The following KCTD1 variants were observed in gnomAD, a reference collection of about 807,000 sequenced individuals.
KCTD1 encodes potassium channel tetramerization domain containing 1.
Under a neutral mutation model 66.0 loss-of-function variants are expected in KCTD1, and 24 were observed. That is an observed-to-expected ratio of 0.36 (90% CI 0.26 to 0.51). The LOEUF is 0.51. Ranked by LOEUF, KCTD1 falls within the 20% of genes least tolerant of loss-of-function variation. KCTD1 has a pLI of 0.95. For synonymous variants in KCTD1, 511 were observed against 517.2 expected (o/e 0.99, Z 0.16); for missense variants, 943 against 1,205.2 (o/e 0.78, Z 3.22).
rs768492830 is a variant in KCTD1 at position 26,459,573 on chromosome 18, C to T, written c.2439+47G>A. ...ATGTGAGGGCAAGGTTAAGTGACAA[C>T]AGTAAGAGTGGCATTTGATGCCACA... On this transcript the variant is annotated intron_variant, in intron 4 of 4. Transcript: ENST00000580059. 43 of 1,521,658 alleles carry T rather than the reference C, an allele frequency of 2.8e-5. No homozygotes were observed. The South Asian group carries it at 5.0e-4, about 18-fold the overall frequency. The allele number at this position is 1,521,658 out of a possible 1,614,324, so 94.3% of individuals were successfully genotyped here.
chr18:26,589,480 C>T (rs1986547468), intron 1 of KCTD1, among the ~76,000 whole-genome samples: 1 of 151,770 alleles, frequency 6.6e-6, no homozygotes, highest in Admixed American at 6.6e-5. Context: ...CAGTGGTGGG[C>T]CAGGCTATCT....
upstream of KCTD1, chr18:26,548,940 C>G (rs1985421653): frequency 1.0e-6 from 1 of 987,010 alleles, no homozygotes; most frequent in South Asian, 4.7e-5. Flanking sequence ...GGAGGGCCGG[C>G]GAGAGGGCGG....
rs115588392 is a variant in KCTD1 at position 26,471,315 on chromosome 18, G to A, written c.2133+5200C>T. 5.3e-5 allele frequency among the ~76,000 whole-genome samples: 8 copies of A among 151,910 alleles called. No individual in the cohort carries two copies. The East Asian group carries it at 7.8e-4, about 15-fold the overall frequency. ...AAGCTCGATGTATTCTGCTTGTAGC[G>A]TCTGAGCAAGTGTGATGTGATTTTC... On this transcript the variant is annotated intron_variant, in intron 3 of 4. Transcript: ENST00000580059.
intron 1 of KCTD1, among the ~76,000 whole-genome samples, chr18:26,583,046 A>C (rs753102462): frequency 6.6e-6 from 1 of 151,902 alleles, no homozygotes; most frequent in Non-Finnish European, 1.5e-5. Context: ...ATATTTCCGT[A>C]ATGTTTAATA....
chr18:26,644,735 C>G (rs148107578), upstream of KCTD1, among the ~76,000 whole-genome samples: 1 of 147,862 alleles, frequency 6.8e-6, no homozygotes, highest in African/African-American at 2.5e-5. Flanking sequence ...TCCAGCCTGG[C>G]AACAGAGTGA....
At chr18:26,608,313 C>T (rs1046232640) in intron 1 of KCTD1, among the ~76,000 whole-genome samples, 1 of 152,142 alleles carries the variant, frequency 6.6e-6, no homozygotes, top group Non-Finnish European at 1.5e-5. Flanking sequence ...GTGGAGATGG[C>T]TGAGAAAATT....
At chr18:26,474,013 C>T (rs552368452) in intron 3 of KCTD1, among the ~76,000 whole-genome samples, 2 of 152,198 alleles carry the variant, frequency 1.3e-5, no homozygotes, top group East Asian at 1.9e-4. Flanking sequence ...ACTAAGGGGC[C>T]CCTGAGCTTC....
intron 1 of KCTD1, among the ~76,000 whole-genome samples, chr18:26,647,170 C>T (rs1342262422): frequency 6.6e-6 from 1 of 152,132 alleles, no homozygotes; most frequent in African/African-American, 2.4e-5. Flanking sequence ...ACTCACTTTT[C>T]AGATACTTTG....
intron 1 of KCTD1, among the ~76,000 whole-genome samples, chr18:26,605,603 T>TA (rs1480635941): frequency 6.6e-6 from 1 of 152,184 alleles, no homozygotes; most frequent in African/African-American, 2.4e-5. Flanking sequence ...GACCTGGCCC[T>TA]AGACCACTGT....
chr18:26,597,265 T>C (rs893873172), intron 1 of KCTD1, among the ~76,000 whole-genome samples: 1 of 151,438 alleles, frequency 6.6e-6, no homozygotes, highest in African/African-American at 2.4e-5. Flanking sequence ...AGGAGTGGCC[T>C]AGTGTGGGCT....
intron 1 of KCTD1, among the ~76,000 whole-genome samples, chr18:26,524,306 T>G (rs1984054977): frequency 6.6e-6 from 1 of 152,114 alleles, no homozygotes; most frequent in African/African-American, 2.4e-5. Flanking sequence ...ACAGGCTCCA[T>G]CACTATCCAG....
At chr18:26,585,134 G>GAA (rs1411356536) in intron 1 of KCTD1, among the ~76,000 whole-genome samples, 1 of 152,162 alleles carries the variant, frequency 6.6e-6, no homozygotes, top group African/African-American at 2.4e-5. Context: ...GAGCCAAAGA[G>GAA]AAAAGTGAAC....
intron 2 of KCTD1, among the ~76,000 whole-genome samples, chr18:26,485,498 A>C (rs1389559894): frequency 6.6e-6 from 1 of 152,220 alleles, no homozygotes; most frequent in African/African-American, 2.4e-5. Flanking sequence ...CTTGAATTGA[A>C]AGAAAACTTT....
In KCTD1 at chr18:26,475,553, A is replaced by G. The variant is rs531464186; in HGVS notation, c.2133+962T>C. Among the ~76,000 whole-genome samples the G allele has an allele frequency of 2.6e-5, 4 of 152,292 alleles. No homozygotes were observed. In the South Asian group the frequency reaches 8.3e-4, roughly 32 times the overall value. On this transcript the variant is annotated intron_variant, in intron 3 of 4. Coordinates refer to ENST00000580059, the MANE Select transcript of KCTD1 (RefSeq NM_001142730.3). ...TTATGATTGGCTCTTGCTATTCTCT[A>G]AAAAGGCTATTGACTGGCTGGGCAC...
At chr18:26,477,144 TTAA>T (rs1164131551) in intron 2 of KCTD1, among the ~76,000 whole-genome samples, 1 of 152,226 alleles carries the variant, frequency 6.6e-6, no homozygotes. Flanking sequence ...ACATCTACAT[TTAA>T]TTATATAAAA....
chr18:26,553,032 C>G (rs1985615476), upstream of KCTD1, among the ~76,000 whole-genome samples: 1 of 150,530 alleles, frequency 6.6e-6, no homozygotes, highest in South Asian at 2.1e-4. Context: ...ACTCTTTCAC[C>G]CAGGCTGGAG....
intron 1 of KCTD1, among the ~76,000 whole-genome samples, chr18:26,602,486 AT>A (rs1406982512): frequency 6.6e-6 from 1 of 152,220 alleles, no homozygotes; most frequent in Non-Finnish European, 1.5e-5. Flanking sequence ...CTCCTCTTTC[AT>A]TTTTTGAAAG....
chr18:26,465,583 C>G (rs1980681952), intron 3 of KCTD1, among the ~76,000 whole-genome samples: 1 of 152,224 alleles, frequency 6.6e-6, no homozygotes, highest in Non-Finnish European at 1.5e-5. Context: ...GAAATGGAAG[C>G]AGCAGCAGTG....
chr18:26,557,791 C>CA (rs138854240), intron 1 of KCTD1, among the ~76,000 whole-genome samples: 241 of 152,330 alleles, frequency 1.6e-3, no homozygotes, highest in African/African-American at 5.7e-3. Context: ...CACATACACA[C>CA]ACCAATTTTG....
Sources: gnomAD v4.1 joint callset for allele counts (sites outside exome capture counted in the v4.1 genomes callset) on GRCh38, gnomAD v4.1.1 for gene constraint, MANE v1.5 for transcripts, NCBI Gene and HGNC (gene_info 2026-07-23, HGNC 2026-07-21) for gene names.